Variants in NBAS observed in about 807,000 individuals in gnomAD.
NBAS encodes NAG/BC035112 fusion.
A neutral mutation model predicts 302.5 loss-of-function variants in NBAS; 219 were observed. The ratio of observed to expected loss-of-function variants is 0.72; its 90% CI spans 0.65 to 0.81. NBAS has a LOEUF of 0.81. Among genes scored for constraint, NBAS ranks in the 30% least tolerant of loss-of-function variants. The pLI, the probability that NBAS is intolerant of heterozygous loss-of-function variation, is 0.00. For missense variants in NBAS, 2,932 were observed against 2,841.6 expected, an observed-to-expected ratio of 1.03 and a Z score of -0.72; for synonymous variants, 1,118 against 1,021.6, an observed-to-expected ratio of 1.09 and a Z score of -1.80.
intron 51 of NBAS, among the ~76,000 whole-genome samples, chr2:15,175,303 A>T (rs1380733134): frequency 6.6e-6 from 1 of 152,158 alleles, no homozygotes; most frequent in Non-Finnish European, 1.5e-5. Flanking sequence ...CTATTTTAAT[A>T]GACAGCACAG....
chr2:14,837,554 T>G, the NBAS span, among the ~76,000 whole-genome samples: 1 of 151,742 alleles, frequency 6.6e-6, no homozygotes, highest in African/African-American at 2.4e-5. Flanking sequence ...TGAAGTTTTC[T>G]TGGTGGGAAA....
At chr2:15,192,961 C>T (rs1249821710) in intron 48 of NBAS, among the ~76,000 whole-genome samples, 1 of 152,040 alleles carries the variant, frequency 6.6e-6, no homozygotes, top group Non-Finnish European at 1.5e-5. Flanking sequence ...TATTCCTGAA[C>T]TTTTCAGAAA....
Position 15,539,362 on chromosome 2 carries a change from A to G in NBAS, c.380-6T>C. 1 of 1,614,214 alleles carries G rather than the reference A, an allele frequency of 6.2e-7. No homozygotes were observed. On this transcript the variant is annotated splice_region_variant and splice_polypyrimidine_tract_variant and intron_variant, in intron 6 of 51. Transcript: ENST00000281513. ...GGGTTTCGGGTCTTTCGGAACTAGA[A>G]CAAAAGAAAACAAGAGGTGCTTCTA... is the stretch of plus-strand genomic sequence containing the variant.
the NBAS span, among the ~76,000 whole-genome samples, chr2:14,978,004 G>T: frequency 4.6e-5 from 7 of 152,050 alleles, 1 homozygote; most frequent in Admixed American, 1.3e-4. Flanking sequence ...AAAACAAGTG[G>T]TTCTCTTCAA....
chr2:15,268,332 T>C (rs1669166160), intron 44 of NBAS, among the ~76,000 whole-genome samples: 1 of 152,314 alleles, frequency 6.6e-6, no homozygotes, highest in South Asian at 2.1e-4. Flanking sequence ...CAGAGAAGTA[T>C]ATCCGTCCAA....
chr2:15,538,363 C>T, intron 7 of NBAS: 1 of 447,502 alleles, frequency 2.2e-6, no homozygotes, highest in Non-Finnish European at 4.5e-6. Context: ...TTAGTTTCTC[C>T]ACTCATTATT....
At chr2:15,021,912 G>T in the NBAS span, among the ~76,000 whole-genome samples, 1 of 152,158 alleles carries the variant, frequency 6.6e-6, no homozygotes, top group South Asian at 2.1e-4. Flanking sequence ...TGACTTTGAG[G>T]GTTCAGGTTC....
At chr2:14,817,621 A>G in the NBAS span, among the ~76,000 whole-genome samples, 1 of 152,242 alleles carries the variant, frequency 6.6e-6, no homozygotes, top group Admixed American at 6.5e-5. Flanking sequence ...TTCTTGATAC[A>G]TGTAAATGTT....
At chr2:15,500,986 C>A (rs190433025) in intron 11 of NBAS, among the ~76,000 whole-genome samples, 8 of 150,214 alleles carry the variant, frequency 5.3e-5, no homozygotes, top group Non-Finnish European at 1.0e-4. Flanking sequence ...ATAAATAATT[C>A]TTATTTTAAC....
At chr2:15,216,143 C>T (rs1490884637) in intron 48 of NBAS, among the ~76,000 whole-genome samples, 1 of 152,176 alleles carries the variant, frequency 6.6e-6, no homozygotes, top group Non-Finnish European at 1.5e-5. Context: ...AGGAGGGGGA[C>T]ACTCACTGAT....
At chr2:14,851,219 T>C in the NBAS span, among the ~76,000 whole-genome samples, 1 of 136,352 alleles carries the variant, frequency 7.3e-6, no homozygotes, top group South Asian at 2.2e-4. Context: ...AAGAATCAAA[T>C]AGACACAATA....
the NBAS span, among the ~76,000 whole-genome samples, chr2:15,160,526 C>T: frequency 7.0e-6 from 1 of 143,524 alleles, no homozygotes; most frequent in Non-Finnish European, 1.5e-5. Flanking sequence ...CTTTGTGAGA[C>T]AACCTTGGCA....
At chr2:15,328,587 A>G (rs1462078811) in intron 36 of NBAS, among the ~76,000 whole-genome samples, 4 of 152,172 alleles carry the variant, frequency 2.6e-5, no homozygotes, top group East Asian at 1.9e-4. Context: ...TTTGACATCA[A>G]TGAATTAGAA....
chr2:14,924,050 A>G, the NBAS span, among the ~76,000 whole-genome samples: 57 of 152,168 alleles, frequency 3.7e-4, no homozygotes, highest in African/African-American at 1.2e-3. Context: ...TCTCTAAAGA[A>G]TCTCACACAG....
At chr2:15,508,673 T>C (rs1415292796) in intron 10 of NBAS, among the ~76,000 whole-genome samples, 2 of 152,056 alleles carry the variant, frequency 1.3e-5, no homozygotes, top group African/African-American at 4.8e-5. Flanking sequence ...ACACACATAA[T>C]TTAAAATTTT....
At chr2:15,333,658 A>G (rs1410321758) in intron 35 of NBAS, among the ~76,000 whole-genome samples, 2 of 152,050 alleles carry the variant, frequency 1.3e-5, no homozygotes, top group Non-Finnish European at 2.9e-5. Context: ...ATAAATGTAA[A>G]AAGGGCCCAA....
chr2:15,427,775 T>A lies in NBAS; in HGVS notation c.2359A>T (p.Met787Leu), dbSNP rs1357930348. 22 of 1,613,170 alleles carry A rather than the reference T, an allele frequency of 1.4e-5. No homozygotes were observed. Among genetic ancestry groups the A allele is most frequent in the Non-Finnish European group, 1.9e-5 (22 of 1,179,602 alleles). The change falls in exon 22 of 52, where the codon ATG (methionine) becomes TTG (leucine). Residue 787 changes from methionine to leucine, a missense_variant. Transcript: ENST00000281513. ...TTATGTTCATGCCAAGGAATGATCA[T>A]CAGGGAGTCACCGTTAAAACTCAAA... The part of the protein sequence containing the change: ...PEACFNGDSL[M>L]IIPWHEHKHR...
chr2:14,973,535 A>G, the NBAS span, among the ~76,000 whole-genome samples: 27 of 152,334 alleles, frequency 1.8e-4, no homozygotes, highest in African/African-American at 6.3e-4. Context: ...GAGAATTTTA[A>G]AGTATATCCA....
chr2:15,088,930 G>A, the NBAS span, among the ~76,000 whole-genome samples: 1 of 152,162 alleles, frequency 6.6e-6, no homozygotes. Context: ...GCTGTCTAGA[G>A]CTAGGCTGGA....
Sources: gnomAD v4.1 joint callset for allele counts (sites outside exome capture counted in the v4.1 genomes callset) on GRCh38, gnomAD v4.1.1 for gene constraint, MANE v1.5 for transcripts, NCBI Gene and HGNC (gene_info 2026-07-23, HGNC 2026-07-21) for gene names.